TNFSF13: variants seen among roughly 807,000 people sequenced by gnomAD.
TNFSF13 encodes the protein tumor necrosis factor ligand superfamily member 13.
A neutral mutation model predicts 30.7 loss-of-function variants in TNFSF13; 18 were observed. The observed-to-expected ratio is 0.59, with a 90% CI of 0.41 to 0.87. TNFSF13 has a LOEUF of 0.87. Ranked by LOEUF, TNFSF13 falls within the 40% of genes least tolerant of loss-of-function variation. TNFSF13 has a pLI of 0.00. For synonymous variants in TNFSF13, 116 were observed against 123.2 expected (o/e 0.94, Z 0.39); for missense variants, 286 against 308.8 (o/e 0.93, Z 0.55).
chr17:7,560,350 G>A lies in TNFSF13; in HGVS notation c.505G>A (p.Val169Ile). 6.2e-7 allele frequency: 1 copy of A among 1,614,118 alleles called. No homozygotes were observed. Among genetic ancestry groups the A allele is most frequent in the Non-Finnish European group, 8.5e-7 (1 of 1,180,028 alleles). The change falls in exon 5 of 6, where the codon GTC becomes ATC. Residue 169 changes from valine (V) to isoleucine (I), a missense_variant and splice_region_variant. By Grantham distance (29) the Val-to-Ile change is conservative. Transcript: ENST00000338784. ...CTTCAACATCTCCCTTCCCTGCCAG[G>A]TCCTGTTTCAAGACGTGACTTTCAC... ...DAGVYLLYSQ[V>I]LFQDVTFTMG...
At position 7,559,160 on chromosome 17, in the gene TNFSF13, GC is replaced by G. The variant is rs1246092055; in HGVS notation, c.123del (p.Val42TrpfsTer8). ...GTTGAGTTGGGGGGCAGCTCTGGGGGCCGTGGCTTGTGCCATGGCTCTGCTG... is the reference window on the plus strand; with the variant it reads ...GTTGAGTTGGGGGGCAGCTCTGGGGGCGTGGCTTGTGCCATGGCTCTGCTG... The part of the protein sequence containing the change: ...LWLSWGAALG[A>X]VACAMALLTQ... On this transcript the variant is annotated frameshift_variant, in exon 1 of 6. Transcript: ENST00000338784. LOFTEE classifies it high-confidence loss of function. This position sits in a 1 kb window ranked among gnomAD's most constrained non-coding sequence, Gnocchi z 5.4. The G allele has an allele frequency of 6.2e-7, 1 of 1,612,588 alleles. No homozygotes were observed. Among genetic ancestry groups the G allele is most frequent in the African/African-American group, 1.3e-5 (1 of 74,932 alleles).
rs745584462 is a variant in TNFSF13, at chr17:7,559,209, G to T, written c.170G>T (p.Ser57Ile). ...CTGACCCAACAAACAGAGCTGCAGAGCCTCAGGAGAGAGGTGAGCCGGCTG... is the reference window on the plus strand; with the variant it reads ...CTGACCCAACAAACAGAGCTGCAGATCCTCAGGAGAGAGGTGAGCCGGCTG... Reference protein sequence around the residue: ...ALLTQQTELQSLRREVSRLQG... With the variant: ...ALLTQQTELQILRREVSRLQG... Residue 57 changes from serine to isoleucine, a missense_variant, in exon 1 of 6, where the codon AGC becomes ATC. Ser to Ile is a moderately radical substitution (Grantham distance 142). Coordinates refer to ENST00000338784, the MANE Select transcript of TNFSF13 (RefSeq NM_003808.4). The surrounding 1 kb of genome is among the most constrained non-coding windows in gnomAD (Gnocchi z 5.4). 6.2e-7 allele frequency: 1 copy of T among 1,612,192 alleles called. No individual in the cohort carries two copies. The highest frequency in any genetic ancestry group is 1.1e-5 in the South Asian group (1 of 91,004).
Position 7,558,879 on chromosome 17 carries a change from T to A in TNFSF13, c.-161T>A. 1 of 893,304 alleles carries A rather than the reference T, an allele frequency of 1.1e-6. No individual in the cohort carries two copies. Among genetic ancestry groups the A allele is most frequent in the Non-Finnish European group, 1.6e-6 (1 of 628,776 alleles). 55.3% of individuals were successfully genotyped at this position (893,304 alleles called of 1,614,324 possible). A position where few individuals can be genotyped will look rare whatever the true frequency, so the allele number is the denominator to read the frequency against. On this transcript the variant is annotated 5_prime_UTR_variant, in exon 1 of 6. In the 5' UTR this introduces an upstream ATG that the reference lacks. Transcript: ENST00000338784. The surrounding 1 kb of genome is among the most constrained non-coding windows in gnomAD (Gnocchi z 4.3). The stretch of plus-strand genomic sequence containing the variant: ...CAGGAGCACTAACAGTACCCTTAGC[T>A]TGCTTTCCTCCTCCCTCCTTTTTAT...
In TNFSF13 at chr17:7,558,888, TCCTC is replaced by T. The variant is rs2071116712; in HGVS notation, c.-146_-143del. On this transcript the variant is annotated 5_prime_UTR_variant, in exon 1 of 6. Transcript: ENST00000338784. This position sits in a 1 kb window ranked among gnomAD's most constrained non-coding sequence, Gnocchi z 4.3. ...TAACAGTACCCTTAGCTTGCTTTCC[TCCTC>T]CCTCCTTTTTATTTTCAAGTTCCTT... 1.0e-6 allele frequency: 1 copy of T among 960,112 alleles called. No individual in the cohort carries two copies. The highest frequency in any genetic ancestry group is 1.5e-6 in the Non-Finnish European group (1 of 688,206). The allele number at this position is 960,112 out of a possible 1,614,324, so 59.5% of individuals were successfully genotyped here.
At position 7,559,484 on chromosome 17, in the gene TNFSF13, C is replaced by T. The variant is rs2071135637; in HGVS notation, c.259-140C>T. ...CTCATACCTAACAAATCCTGGAGGG[C>T]AGCCAGCACCAACACTCAGGGTGCT... On this transcript the variant is annotated intron_variant, in intron 1 of 5. Transcript: ENST00000338784. The surrounding 1 kb of genome is among the most constrained non-coding windows in gnomAD (Gnocchi z 5.4). 2.2e-6 allele frequency: 3 copies of T among 1,367,846 alleles called. No homozygotes were observed. Among genetic ancestry groups the T allele is most frequent in the Non-Finnish European group, 3.0e-6 (3 of 1,015,906 alleles). 84.7% of individuals were successfully genotyped at this position (1,367,846 alleles called of 1,614,324 possible). A position where few individuals can be genotyped will look rare whatever the true frequency, so the allele number is the denominator to read the frequency against.
Position 7,561,213 on chromosome 17 carries a change from A to G in TNFSF13, c.*380A>G. ...ACGAAGCCGCCCTCTGCTAGGGAAA[A>G]CCCCTGGTTCTCCATGCCACACCTC... On this transcript the variant is annotated 3_prime_UTR_variant, in exon 6 of 6. Transcript: ENST00000338784. The surrounding 1 kb of genome is among the most constrained non-coding windows in gnomAD (Gnocchi z 4.4). 1.5e-6 allele frequency: 1 copy of G among 687,236 alleles called. No homozygotes were observed. Among genetic ancestry groups the G allele is most frequent in the Non-Finnish European group, 2.4e-6 (1 of 409,420 alleles). 42.6% of individuals were successfully genotyped at this position (687,236 alleles called of 1,614,324 possible). A position where few individuals can be genotyped will look rare whatever the true frequency, so the allele number is the denominator to read the frequency against.
intron 4 of TNFSF13, 64 bp downstream of exon 4, chr17:7,560,231 A>G (rs2071163967): frequency 1.2e-6 from 2 of 1,611,870 alleles, no homozygotes; most frequent in African/African-American, 2.7e-5. Flanking sequence ...AGGGTTCCTG[A>G]CCCCTCTATT....
At chr17:7,558,717 A>T, upstream of TNFSF13, 4 of 189,346 alleles carry the variant, frequency 2.1e-5, no homozygotes, top group Non-Finnish European at 2.2e-5. The surrounding 1 kb of genome is among the most constrained non-coding windows in gnomAD (Gnocchi z 4.3). Flanking sequence ...GGGCCGCCCC[A>T]GGGTTCCTGC....
At position 7,559,256 on chromosome 17, in the gene TNFSF13, C is replaced by T. The variant is rs2071127964; in HGVS notation, c.217C>T (p.Gln73Ter). ...SRLQGTGGPSQNGEGYPWQSL... is the reference protein window; with the variant it reads ...SRLQGTGGPS ...GCTGCAGGGGACAGGAGGCCCCTCC[C>T]AGAATGGGGAAGGGTATCCCTGGCA... The change falls in exon 1 of 6, where the codon CAG becomes TAG. Residue 73 changes from glutamine to a stop codon, truncating the protein, a stop_gained. Coordinates refer to ENST00000338784, the MANE Select transcript of TNFSF13 (RefSeq NM_003808.4). LOFTEE classifies it high-confidence loss of function. This position sits in a 1 kb window ranked among gnomAD's most constrained non-coding sequence, Gnocchi z 5.4. The T allele has an allele frequency of 6.2e-7, 1 of 1,609,156 alleles. No individual in the cohort carries two copies. Among genetic ancestry groups the T allele is most frequent in the South Asian group, 1.1e-5 (1 of 90,704 alleles).
rs1055231747 is a variant in TNFSF13, at chr17:7,560,521, G to A, written c.643+33G>A. Reference sequence around the variant, plus strand: ...CCGTGTGGGCAGCCGAAAGCAGGACGTCTCTGACCGGGGGTAGCAGTGCAG... The same window carrying A: ...CCGTGTGGGCAGCCGAAAGCAGGACATCTCTGACCGGGGGTAGCAGTGCAG... On this transcript the variant is annotated intron_variant, in intron 5 of 5. Coordinates refer to ENST00000338784, the MANE Select transcript of TNFSF13 (RefSeq NM_003808.4). 3 of 1,613,468 alleles carry A rather than the reference G, an allele frequency of 1.9e-6. No homozygotes were observed. In the African/African-American group the frequency reaches 4.0e-5, roughly 22 times the overall value.
intron 3 of TNFSF13, 41 bp from the exon 4 acceptor site, chr17:7,560,008 A>G (rs1352410308): frequency 1.9e-6 from 3 of 1,614,002 alleles, no homozygotes; most frequent in Non-Finnish European, 2.5e-6. Flanking sequence ...AAAGCACCTG[A>G]GAGTGCCAAG....
In TNFSF13 at chr17:7,561,452, G is replaced by A; in HGVS notation, c.*619G>A. 4.4e-6 allele frequency: 1 copy of A among 226,672 alleles called. No homozygotes were observed. The highest frequency in any genetic ancestry group is 5.2e-5 in the South Asian group (1 of 19,398). The allele number at this position is 226,672 out of a possible 1,614,324, so 14.0% of individuals were successfully genotyped here. On this transcript the variant is annotated 3_prime_UTR_variant, in exon 6 of 6. Coordinates refer to ENST00000338784, the MANE Select transcript of TNFSF13 (RefSeq NM_003808.4). This position sits in a 1 kb window ranked among gnomAD's most constrained non-coding sequence, Gnocchi z 4.4. Reference sequence around the variant, plus strand: ...TCACGCGCTCCATTGCCCCGGCGTGGCAGGCCATTCCAAGCCCTTCCGGGC... The same window carrying A: ...TCACGCGCTCCATTGCCCCGGCGTGACAGGCCATTCCAAGCCCTTCCGGGC...
rs780651909 is a variant in TNFSF13 at position 7,559,798 on chromosome 17, C to T, written c.338-48C>T. The stretch of plus-strand genomic sequence containing the variant: ...GTGAGGGTGGAGGCTGCCAACAGCA[C>T]AACGGGGGAAAGTGGATGCGGCTGA... On this transcript the variant is annotated intron_variant, in intron 2 of 5. Transcript: ENST00000338784. The surrounding 1 kb of genome is among the most constrained non-coding windows in gnomAD (Gnocchi z 5.4). 4.3e-6 allele frequency: 7 copies of T among 1,614,024 alleles called. No individual in the cohort carries two copies. The highest frequency in any genetic ancestry group is 5.1e-6 in the Non-Finnish European group (6 of 1,179,996).
Position 7,561,176 on chromosome 17 carries a change from T to C in TNFSF13, c.*343T>C. On this transcript the variant is annotated 3_prime_UTR_variant, in exon 6 of 6. Transcript: ENST00000338784. The surrounding 1 kb of genome is among the most constrained non-coding windows in gnomAD (Gnocchi z 4.4). Reference sequence around the variant, plus strand: ...CCGCTCGAGGGAAGCACCCGCCGGTTGGCCGAAGTCCACGAAGCCGCCCTC... The same window carrying C: ...CCGCTCGAGGGAAGCACCCGCCGGTCGGCCGAAGTCCACGAAGCCGCCCTC... 1 of 1,094,888 alleles carries C rather than the reference T, an allele frequency of 9.1e-7. No homozygotes were observed. The highest frequency in any genetic ancestry group is 1.3e-6 in the Non-Finnish European group (1 of 753,002). 67.8% of individuals were successfully genotyped at this position (1,094,888 alleles called of 1,614,324 possible).
At chr17:7,558,730 A>T, upstream of TNFSF13, 1 of 208,364 alleles carries the variant, frequency 4.8e-6, no homozygotes, top group African/African-American at 2.3e-5. This position sits in a 1 kb window ranked among gnomAD's most constrained non-coding sequence, Gnocchi z 4.3. Context: ...GTTCCTGCGC[A>T]CTGCCTGTTC....
chr17:7,559,578 GGACCCTCGCATCTTAACCTAACCTT>G lies in TNFSF13; in HGVS notation c.259-38_259-14del, dbSNP rs1447299597. ...GAGGGCTGGGAAGGCAGGCTGGCTG[GGACCCTCGCATCTTAACCTAACCTT>G]GACCCTCTTTCCATGAGCAGAGTTC... On this transcript the variant is annotated intron_variant, in intron 1 of 5. Coordinates refer to ENST00000338784, the MANE Select transcript of TNFSF13 (RefSeq NM_003808.4). The surrounding 1 kb of genome is among the most constrained non-coding windows in gnomAD (Gnocchi z 5.4). 2 of 1,599,278 alleles carry G rather than the reference GGACCCTCGCATCTTAACCTAACCTT, an allele frequency of 1.3e-6. No homozygotes were observed. Among genetic ancestry groups the G allele is most frequent in the Admixed American group, 1.7e-5 (1 of 58,440 alleles).
Position 7,560,471 on chromosome 17 carries a change from A to G in TNFSF13, c.626A>G (p.Asn209Ser), listed in dbSNP as rs1224377787. ...SMPSHPDRAY[N>S]SCYSAGVFHL... ...CCCTCCCACCCGGACCGGGCCTACA[A>G]CAGCTGCTATAGCGCAGGTGAGAGC... The change falls in exon 5 of 6, where the codon AAC (asparagine) becomes AGC (serine). Residue 209 changes from asparagine (N) to serine (S), a missense_variant. Coordinates refer to ENST00000338784, the MANE Select transcript of TNFSF13 (RefSeq NM_003808.4). 7 of 1,614,008 alleles carry G rather than the reference A, an allele frequency of 4.3e-6. No homozygotes were observed. Among genetic ancestry groups the G allele is most frequent in the Non-Finnish European group, 5.9e-6 (7 of 1,180,032 alleles).
At position 7,559,152 on chromosome 17, in the gene TNFSF13, C is replaced by T. The variant is rs142987696; in HGVS notation, c.113C>T (p.Ala38Val). Residue 38 changes from alanine to valine, a missense_variant, in exon 1 of 6, where the codon GCT becomes GTT. Coordinates refer to ENST00000338784, the MANE Select transcript of TNFSF13 (RefSeq NM_003808.4). This position sits in a 1 kb window ranked among gnomAD's most constrained non-coding sequence, Gnocchi z 5.4. ...GCCCTCTGGTTGAGTTGGGGGGCAG[C>T]TCTGGGGGCCGTGGCTTGTGCCATG... The part of the protein sequence containing the change: ...SVALWLSWGA[A>V]LGAVACAMAL... 4.2e-4 allele frequency: 671 copies of T among 1,612,612 alleles called. No homozygotes were observed. Among genetic ancestry groups the T allele is most frequent in the Non-Finnish European group, 5.3e-4 (622 of 1,179,202 alleles).
rs1567725615 is a variant in TNFSF13, at chr17:7,560,504, G to GC, written c.643+17dup. ...TATAGCGCAGGTGAGAGCCGTGTGG[G>GC]CAGCCGAAAGCAGGACGTCTCTGAC... On this transcript the variant is annotated intron_variant, in intron 5 of 5. Transcript: ENST00000338784. 1 of 1,613,904 alleles carries GC rather than the reference G, an allele frequency of 6.2e-7. No individual in the cohort carries two copies. The highest frequency in any genetic ancestry group is 8.5e-7 in the Non-Finnish European group (1 of 1,179,882).
Sources: gnomAD v4.1 joint callset for allele counts on GRCh38, gnomAD v4.1.1 for gene constraint, Gnocchi (gnomAD v3.1) non-coding constraint, MANE v1.5 for transcripts, NCBI Gene and HGNC (gene_info 2026-07-23, HGNC 2026-07-21) for gene names.